Variants in GOLGA4 observed in about 807,000 individuals in gnomAD.
GOLGA4 encodes golgin A4, also known as golgin subfamily A member 4.
GOLGA4 carries 169 observed loss-of-function variants against 265.9 expected under a neutral mutation model. That is an observed-to-expected ratio of 0.64 (90% CI 0.56 to 0.72). The LOEUF is 0.72. GOLGA4 is among the 30% of genes least tolerant of loss of function. The pLI is 0.00. For synonymous variants in GOLGA4, 923 were observed against 855.8 expected (o/e 1.08, Z -1.37); for missense variants, 2,482 against 2,483.4 (o/e 1.00, Z 0.01).
chr3:37,298,781 G>A (rs917935288), intron 7 of GOLGA4, 52 bp from the exon 8 acceptor site: 1 of 1,240,744 alleles, frequency 8.1e-7, no homozygotes, highest in African/African-American at 1.5e-5. Context: ...TTTTCCAAAG[G>A]CAGTTTCATA....
chr3:37,364,170 G>A (rs190323879), intron 23 of GOLGA4, among the ~76,000 whole-genome samples: 3 of 152,142 alleles, frequency 2.0e-5, no homozygotes, highest in Admixed American at 2.0e-4. Flanking sequence ...ATCTTACTTG[G>A]TAATTTATTT....
At chr3:37,285,199 C>T (rs924547316) in intron 3 of GOLGA4, among the ~76,000 whole-genome samples, 3 of 143,382 alleles carry the variant, frequency 2.1e-5, no homozygotes, top group Non-Finnish European at 3.0e-5. Context: ...CAAGGTCTCA[C>T]TAAATTGCCC....
Position 37,325,306 on chromosome 3 carries a change from G to A in GOLGA4, c.3420G>A (p.Glu1140=), listed in dbSNP as rs779297477. 6.2e-7 allele frequency: 1 copy of A among 1,613,768 alleles called. No homozygotes were observed. ...TGAAAGCTCATCTTGAAAAGCTAGA[G>A]GTTGACTTGAATAAGTCTCTGAAGG... is the stretch of plus-strand genomic sequence containing the variant. ...TKLKAHLEKL[E]VDLNKSLKEN... is the part of the protein sequence containing the mutation. Residue 1140 remains glutamate, a synonymous_variant, in exon 14 of 24, where the codon GAG becomes GAA. Transcript: ENST00000361924.
Position 37,327,364 on chromosome 3 carries a change from G to A in GOLGA4, c.5478G>A (p.Gln1826=), listed in dbSNP as rs749907223. ...VEKEGGKNNI[Q]AKQNLENVFD... is the part of the protein sequence containing the mutation. Reference sequence around the variant, plus strand: ...AAGAAGGAGGTAAAAATAACATACAGGCAAAGCAAAACTTGGAAAATGTGT... The same window carrying A: ...AAGAAGGAGGTAAAAATAACATACAAGCAAAGCAAAACTTGGAAAATGTGT... Residue 1826 remains glutamine (Q), a synonymous_variant, in exon 14 of 24, where the codon CAG becomes CAA. Transcript: ENST00000361924. 9 of 1,613,680 alleles carry A rather than the reference G, an allele frequency of 5.6e-6. No homozygotes were observed. The East Asian group carries it at 2.0e-4, about 36-fold the overall frequency.
intron 6 of GOLGA4, 34 bp downstream of exon 6, chr3:37,295,111 TG>T: frequency 7.8e-7 from 1 of 1,280,798 alleles, no homozygotes; most frequent in Non-Finnish European, 1.1e-6. Flanking sequence ...TGGAATTTTT[TG>T]GATAAAGAAA....
intron 9 of GOLGA4, 80 bp from the exon 10 acceptor site, chr3:37,302,105 C>A: frequency 7.7e-7 from 1 of 1,295,912 alleles, no homozygotes; most frequent in Non-Finnish European, 1.1e-6. Context: ...CTTTTTCTGC[C>A]TTTTAAATTA....
intron 3 of GOLGA4, among the ~76,000 whole-genome samples, chr3:37,285,706 A>G (rs770063321): frequency 4.6e-5 from 7 of 152,274 alleles, no homozygotes; most frequent in Non-Finnish European, 7.3e-5. Context: ...GTCTGTAACT[A>G]TAGTTTGAGT....
chr3:37,274,311 T>A (rs996374618), intron 2 of GOLGA4, among the ~76,000 whole-genome samples: 3 of 152,092 alleles, frequency 2.0e-5, no homozygotes, highest in Non-Finnish European at 4.4e-5. Flanking sequence ...GAGTTTAGGT[T>A]GTCCTTGATT....
intron 23 of GOLGA4, among the ~76,000 whole-genome samples, chr3:37,362,780 C>CCT (rs1375290747): frequency 4.0e-5 from 3 of 75,458 alleles, no homozygotes; most frequent in South Asian, 3.6e-4. Flanking sequence ...AGCCTCTAAG[C>CCT]TTTTTTTTTT....
At chr3:37,360,106 A>G (rs775467352) in intron 22 of GOLGA4, among the ~76,000 whole-genome samples, 8 of 152,168 alleles carry the variant, frequency 5.3e-5, no homozygotes, top group Non-Finnish European at 1.0e-4. Flanking sequence ...TAAGCCATGT[A>G]ATTACATATT....
intron 10 of GOLGA4, among the ~76,000 whole-genome samples, chr3:37,314,848 A>T (rs2096933177): frequency 6.6e-6 from 1 of 152,200 alleles, no homozygotes; most frequent in South Asian, 2.1e-4. Context: ...TTTGAAACTT[A>T]TACAAATAGT....
At chr3:37,258,590 A>G (rs2096760980) in intron 2 of GOLGA4, among the ~76,000 whole-genome samples, 1 of 152,146 alleles carries the variant, frequency 6.6e-6, no homozygotes, top group Non-Finnish European at 1.5e-5. Context: ...GGACTCCTAA[A>G]GTGCTGGGAT....
chr3:37,319,274 C>A, intron 12 of GOLGA4, 80 bp downstream of exon 12: 1 of 1,166,178 alleles, frequency 8.6e-7, no homozygotes, highest in Non-Finnish European at 1.2e-6. Flanking sequence ...TGTTGCATTC[C>A]AGTTGGAAGT....
Position 37,328,491 on chromosome 3 carries a change from G to A in GOLGA4, c.6015G>A (p.Leu2005=). ...KQLMREFNTQ[L]AQKEQELEMT... is the part of the protein sequence containing the mutation. ...TGATGAGGGAGTTTAATACACAGCT[G>A]GCACAAAAGGAACAAGAGCTGGAAA... Residue 2005 remains leucine, a synonymous_variant, in exon 15 of 24, where the codon CTG becomes CTA. Coordinates refer to ENST00000361924, the MANE Select transcript of GOLGA4 (RefSeq NM_002078.5). 6.2e-7 allele frequency: 1 copy of A among 1,612,646 alleles called. No homozygotes were observed. Among genetic ancestry groups the A allele is most frequent in the East Asian group, 2.2e-5 (1 of 44,806 alleles).
intron 2 of GOLGA4, chr3:37,275,705 G>A (rs1453694675): frequency 1.2e-6 from 2 of 1,612,132 alleles, no homozygotes; most frequent in Non-Finnish European, 1.7e-6. Context: ...GGAGGACGAA[G>A]TGGTCCGCTT....
chr3:37,266,698 G>C lies in GOLGA4; in HGVS notation c.162+15214G>C, dbSNP rs1391398929. On this transcript the variant is annotated intron_variant, in intron 2 of 23. Coordinates refer to ENST00000361924, the MANE Select transcript of GOLGA4 (RefSeq NM_002078.5). ...TATTTCTGTGGGTGAGATGGTGGTG[G>C]TGGTGGTGGTGATGGTGGTACTGAA... The C allele has an allele frequency of 4.7e-5, 15 of 321,882 alleles. 1 individual carries two copies. The highest frequency in any genetic ancestry group is 3.4e-4 in the South Asian group (14 of 41,354). 19.9% of individuals were successfully genotyped at this position (321,882 alleles called of 1,614,324 possible). A position where few individuals can be genotyped will look rare whatever the true frequency, so the allele number is the denominator to read the frequency against.
In GOLGA4 at chr3:37,323,617, A is replaced by T. The variant is rs757203577; in HGVS notation, c.1731A>T (p.Glu577Asp). The T allele has an allele frequency of 6.4e-7, 1 of 1,571,624 alleles. No individual in the cohort carries two copies. The highest frequency in any genetic ancestry group is 1.2e-5 in the South Asian group (1 of 83,572). Reference sequence around the variant, plus strand: ...TTCTTGAATTGGAAAGTTCTTTGGAAAAAAGCTTACAAGAAAACAAAAATC... The same window carrying T: ...TTCTTGAATTGGAAAGTTCTTTGGATAAAAGCTTACAAGAAAACAAAAATC... The part of the protein sequence containing the change: ...TRILELESSL[E>D]KSLQENKNQS... Residue 577 changes from glutamate to aspartate, a missense_variant, in exon 14 of 24, where the codon GAA (glutamate) becomes GAT (aspartate). Glu to Asp is a conservative substitution (Grantham distance 45). This residue lies in a region of GOLGA4 where 1,536 missense variants were observed against 1,483.7 expected (regional missense o/e 1.04). Coordinates refer to ENST00000361924, the MANE Select transcript of GOLGA4 (RefSeq NM_002078.5).
At chr3:37,251,879 A>G (rs2096734918) in intron 2 of GOLGA4, among the ~76,000 whole-genome samples, 1 of 152,130 alleles carries the variant, frequency 6.6e-6, no homozygotes, top group Non-Finnish European at 1.5e-5. Context: ...ACGGGGTCCC[A>G]CTATGTTGCT....
intron 16 of GOLGA4, among the ~76,000 whole-genome samples, chr3:37,331,276 A>G (rs1267367892): frequency 6.6e-6 from 1 of 152,174 alleles, no homozygotes; most frequent in Non-Finnish European, 1.5e-5. Context: ...GAATAGCAAC[A>G]TTTCAAGTTC....
Sources: gnomAD v4.1 joint callset for allele counts (sites outside exome capture counted in the v4.1 genomes callset) on GRCh38, gnomAD v4.1.1 for gene constraint, gnomAD v4.1.1 regional missense constraint, MANE v1.5 for transcripts, NCBI Gene and HGNC (gene_info 2026-07-23, HGNC 2026-07-21) for gene names.